The following ANXA10 variants were observed in gnomAD, a reference collection of about 807,000 sequenced individuals.
ANXA10 encodes annexin A10.
ANXA10 carries 49 observed loss-of-function variants against 53.5 expected under a neutral mutation model. That is an observed-to-expected ratio of 0.92 (90% confidence interval 0.73 to 1.16). The LOEUF is 1.16. Among genes scored for constraint, ANXA10 ranks in the 50% most tolerant of loss-of-function variants. The probability of loss-of-function intolerance (pLI) is 0.00; values close to 1 mark genes in which losing one functional copy is unlikely to be tolerated. For synonymous variants in ANXA10, 131 were observed against 128.9 expected, an observed-to-expected ratio of 1.02 and a Z score of -0.11; for missense variants, 393 against 394.4, an observed-to-expected ratio of 1.00 and a Z score of 0.03.
chr4:168,111,991 T>A (rs1730816461), intron 1 of ANXA10, among the ~76,000 whole-genome samples: 1 of 152,110 alleles, frequency 6.6e-6, no homozygotes, highest in Admixed American at 6.6e-5. Context: ...TAGTGGTATA[T>A]TATGAAAAAG....
At chr4:168,129,388 A>G (rs72691172) in intron 2 of ANXA10, among the ~76,000 whole-genome samples, 1 of 152,288 alleles carries the variant, frequency 6.6e-6, no homozygotes, top group Non-Finnish European at 1.5e-5. Flanking sequence ...CTTTAAAACT[A>G]TGGGTCACAG....
intron 1 of ANXA10, among the ~76,000 whole-genome samples, chr4:168,093,980 A>T (rs1314403453): frequency 1.3e-5 from 2 of 152,162 alleles, no homozygotes; most frequent in Non-Finnish European, 2.9e-5. Flanking sequence ...CTACAGAGAA[A>T]AAAAGGTATC....
chr4:168,162,442 A>C, intron 3 of ANXA10, 86 bp from the exon 4 acceptor site: 1 of 925,160 alleles, frequency 1.1e-6, no homozygotes, highest in Non-Finnish European at 1.7e-6. Flanking sequence ...ATGGAAAAGA[A>C]AATATTAAAA....
chr4:168,097,927 T>C (rs1445051682), intron 1 of ANXA10, among the ~76,000 whole-genome samples: 1 of 152,140 alleles, frequency 6.6e-6, no homozygotes, highest in African/African-American at 2.4e-5. Context: ...CTTCAATTTG[T>C]AGAATCACTT....
intron 3 of ANXA10, among the ~76,000 whole-genome samples, chr4:168,153,471 C>A (rs1273165666): frequency 3.3e-3 from 268 of 80,784 alleles, no homozygotes; most frequent in African/African-American, 4.7e-3. Context: ...AAAAAAAAAA[C>A]CAATAACAAC....
intron 1 of ANXA10, among the ~76,000 whole-genome samples, chr4:168,108,082 A>C (rs922207224): frequency 1.3e-5 from 2 of 152,198 alleles, no homozygotes; most frequent in Non-Finnish European, 2.9e-5. Context: ...TGGCATTTGT[A>C]AACTGTGATG....
At chr4:168,153,767 C>G (rs1731549593) in intron 3 of ANXA10, among the ~76,000 whole-genome samples, 1 of 152,082 alleles carries the variant, frequency 6.6e-6, no homozygotes, top group Non-Finnish European at 1.5e-5. Flanking sequence ...ATTATTTTCA[C>G]TTTGCAGATT....
intron 3 of ANXA10, among the ~76,000 whole-genome samples, chr4:168,157,656 G>T (rs78288539): frequency 0.011 from 1,693 of 152,168 alleles, 31 homozygotes; most frequent in African/African-American, 0.037. Flanking sequence ...CCACTGATCT[G>T]CTTTCTACTT....
intron 6 of ANXA10, among the ~76,000 whole-genome samples, chr4:168,167,427 T>C (rs1041991019): frequency 6.6e-6 from 1 of 152,198 alleles, no homozygotes; most frequent in Non-Finnish European, 1.5e-5. Flanking sequence ...ACATTTAAGG[T>C]ATGTGTTCAA....
intron 3 of ANXA10, among the ~76,000 whole-genome samples, chr4:168,160,222 C>T (rs936560281): frequency 5.3e-5 from 8 of 152,088 alleles, no homozygotes; most frequent in Non-Finnish European, 7.4e-5. Flanking sequence ...TGCTTGCCCC[C>T]GCCCCCAACA....
intron 1 of ANXA10, among the ~76,000 whole-genome samples, chr4:168,103,781 T>C (rs764462324): frequency 2.0e-5 from 3 of 151,962 alleles, no homozygotes; most frequent in Non-Finnish European, 4.4e-5. Flanking sequence ...TTAAGTTTTC[T>C]AGCCATGAAA....
chr4:168,133,921 G>A (rs200609949), intron 2 of ANXA10, among the ~76,000 whole-genome samples: 2 of 151,824 alleles, frequency 1.3e-5, no homozygotes, highest in East Asian at 3.8e-4. Context: ...CTGACCTAAA[G>A]CACTAGGAGA....
chr4:168,178,127 A>G lies in ANXA10; in HGVS notation c.628+144A>G, dbSNP rs1178062002. The G allele has an allele frequency of 4.4e-6, 3 of 684,074 alleles. No individual in the cohort carries two copies. The East Asian group carries it at 8.3e-5, about 19-fold the overall frequency. 42.4% of individuals were successfully genotyped at this position (684,074 alleles called of 1,614,324 possible). A position where few individuals can be genotyped will look rare whatever the true frequency, so the allele number is the denominator to read the frequency against. ...AAGGTACTTATTTTGAATTTTGTTT[A>G]TAAGATGTGCCTTATTTAATGACAT... On this transcript the variant is annotated intron_variant, in intron 8 of 11. Coordinates refer to ENST00000359299, the MANE Select transcript of ANXA10 (RefSeq NM_007193.5).
intron 2 of ANXA10, among the ~76,000 whole-genome samples, chr4:168,134,735 T>C (rs975574877): frequency 1.3e-5 from 2 of 152,182 alleles, no homozygotes; most frequent in East Asian, 3.9e-4. Context: ...TTTCTCTCAG[T>C]AGCCATTAAT....
Position 168,177,777 on chromosome 4 carries a change from C to T in ANXA10, c.518C>T (p.Ala173Val), listed in dbSNP as rs1732159410. The T allele has an allele frequency of 3.1e-6, 5 of 1,614,164 alleles. No homozygotes were observed. In the East Asian group the frequency reaches 1.1e-4, roughly 36 times the overall value. The change falls in exon 7 of 12, where the codon GCT becomes GTT. Residue 173 changes from alanine to valine, a missense_variant. Coordinates refer to ENST00000359299, the MANE Select transcript of ANXA10 (RefSeq NM_007193.5). ...REEGYTDPAM[A>V]AQDAMVLWEA... Reference sequence around the variant, plus strand: ...GAAGGATATACAGACCCTGCGATGGCTGCTCAGGATGCAATGGTAACTAGA... The same window carrying T: ...GAAGGATATACAGACCCTGCGATGGTTGCTCAGGATGCAATGGTAACTAGA...
chr4:168,179,416 C>T, intron 9 of ANXA10, 104 bp downstream of exon 9: 1 of 764,142 alleles, frequency 1.3e-6, no homozygotes, highest in Non-Finnish European at 2.1e-6. Flanking sequence ...TTGATCGAGT[C>T]ATTTTCCCTT....
rs367709848 is a variant in ANXA10, at chr4:168,102,507, C to A, written c.18+9789C>A. ...GGGAACAGAGTCATAAACTATTGAA[C>A]CTTTTGGACATGGCTTCCTCCGCTT... On this transcript the variant is annotated intron_variant, in intron 1 of 11. Coordinates refer to ENST00000359299, the MANE Select transcript of ANXA10 (RefSeq NM_007193.5). Among the ~76,000 whole-genome samples the A allele has an allele frequency of 3.7e-4, 56 of 152,144 alleles. 2 individuals carry two copies. The South Asian group carries it at 0.011, about 30-fold the overall frequency.
intron 11 of ANXA10, among the ~76,000 whole-genome samples, chr4:168,185,047 G>A (rs1056834372): frequency 5.3e-5 from 8 of 152,084 alleles, no homozygotes; most frequent in African/African-American, 1.4e-4. Context: ...CCAGCTACCC[G>A]GGAGGCTGAG....
chr4:168,117,988 C>T (rs1038688424), intron 1 of ANXA10, among the ~76,000 whole-genome samples: 2 of 146,064 alleles, frequency 1.4e-5, no homozygotes, highest in African/African-American at 2.5e-5. Context: ...GAACCTAATG[C>T]GCACATCAAT....
Sources: gnomAD v4.1 joint callset for allele counts (sites outside exome capture counted in the v4.1 genomes callset) on GRCh38, gnomAD v4.1.1 for gene constraint, MANE v1.5 for transcripts, NCBI Gene and HGNC (gene_info 2026-07-23, HGNC 2026-07-21) for gene names.